TRPM3: variants seen among roughly 807,000 people sequenced by gnomAD.
TRPM3 encodes long transient receptor potential channel 3.
In TRPM3, 77 loss-of-function variants were observed where a neutral mutation model predicts 181.2. The ratio of observed to expected loss-of-function variants is 0.42; its 90% CI spans 0.35 to 0.51. The LOEUF is 0.51. Ranked by LOEUF, TRPM3 falls within the 20% of genes least tolerant of loss-of-function variation. The pLI, the probability that TRPM3 is intolerant of heterozygous loss-of-function variation, is 0.01. For synonymous variants in TRPM3, 745 were observed against 796.4 expected, an observed-to-expected ratio of 0.94 and a Z score of 1.09; for missense variants, 1,759 against 2,196.7, an observed-to-expected ratio of 0.80 and a Z score of 3.98.
Position 70,761,737 on chromosome 9 carries a change from A to G in TRPM3, c.1149-13T>C. 2 of 1,604,526 alleles carry G rather than the reference A, an allele frequency of 1.2e-6. No homozygotes were observed. The highest frequency in any genetic ancestry group is 2.2e-5 in the South Asian group (2 of 90,224). ...TTCATTTATCAGTCTGCAAGTAAAA[A>G]CAATGTCAAAAGCAGGTCAACCAAC... On this transcript the variant is annotated splice_polypyrimidine_tract_variant and intron_variant, in intron 7 of 25. Transcript: ENST00000677713.
intron 5 of TRPM3, among the ~76,000 whole-genome samples, chr9:70,841,905 G>A (rs7855531): frequency 0.57 from 85,671 of 151,030 alleles, 24,658 homozygotes; most frequent in Non-Finnish European, 0.58. Context: ...CATACAGAGT[G>A]GAATATGGAC....
At chr9:70,595,740 T>C (rs894307950) in intron 21 of TRPM3, among the ~76,000 whole-genome samples, 1 of 152,178 alleles carries the variant, frequency 6.6e-6, no homozygotes, top group Non-Finnish European at 1.5e-5. Flanking sequence ...AAATCTAGAC[T>C]CTCTGCTTTT....
chr9:70,563,505 G>A (rs868376766), intron 22 of TRPM3, among the ~76,000 whole-genome samples: 1 of 152,140 alleles, frequency 6.6e-6, no homozygotes, highest in African/African-American at 2.4e-5. Context: ...CCCAATTCAG[G>A]CTACAGATGA....
intron 1 of TRPM3, among the ~76,000 whole-genome samples, chr9:71,095,488 G>A (rs2066989822): frequency 6.6e-6 from 1 of 152,140 alleles, no homozygotes; most frequent in Non-Finnish European, 1.5e-5. Flanking sequence ...GCCAGGTGCG[G>A]TGGCTTACGC....
chr9:70,747,010 A>T lies in TRPM3; in HGVS notation c.1272+14591T>A, dbSNP rs187601162. Among the ~76,000 whole-genome samples, 449 of 152,318 alleles carry T rather than the reference A, an allele frequency of 2.9e-3. 2 individuals are homozygous for T. The highest frequency in any genetic ancestry group is 9.8e-3 in the African/African-American group (407 of 41,580). On this transcript the variant is annotated intron_variant, in intron 8 of 25. Coordinates refer to ENST00000677713, the MANE Select transcript of TRPM3 (RefSeq NM_001366145.2). The stretch of plus-strand genomic sequence containing the variant: ...CTGTGTTAGTAGAGATTTTAACAAA[A>T]TTTATAGATACTGAATATGTATCAG...
chr9:70,680,089 A>G (rs1382248708), intron 9 of TRPM3, among the ~76,000 whole-genome samples: 4 of 152,210 alleles, frequency 2.6e-5, no homozygotes, highest in Non-Finnish European at 4.4e-5. Flanking sequence ...GAATGTGCAT[A>G]TATACACTTG....
chr9:71,191,864 T>C (rs2078047067), intron 1 of TRPM3, among the ~76,000 whole-genome samples: 1 of 151,668 alleles, frequency 6.6e-6, no homozygotes, highest in Non-Finnish European at 1.5e-5. Context: ...TAGCCTCTGC[T>C]TCAGGGTGAT....
chr9:71,304,205 C>T (rs1399733894), intron 1 of TRPM3, among the ~76,000 whole-genome samples: 1 of 152,164 alleles, frequency 6.6e-6, no homozygotes. Context: ...TATACTTATA[C>T]TATTTTATTG....
chr9:70,887,397 T>G (rs775647328), intron 1 of TRPM3, among the ~76,000 whole-genome samples: 10 of 152,198 alleles, frequency 6.6e-5, no homozygotes, highest in Non-Finnish European at 1.0e-4. Context: ...TCATCTAAAG[T>G]GTTAATCAAA....
rs1158541648 is a variant in TRPM3 at position 70,981,486 on chromosome 9, A to G, written c.178-116975T>C. Among the ~76,000 whole-genome samples the G allele has an allele frequency of 2.6e-5, 4 of 152,182 alleles. No individual in the cohort carries two copies. The East Asian group carries it at 7.7e-4, about 29-fold the overall frequency. On this transcript the variant is annotated intron_variant, in intron 1 of 25. Coordinates refer to ENST00000677713, the MANE Select transcript of TRPM3 (RefSeq NM_001366145.2). ...TGTGAAAGGAGACATTTGCAGAATG[A>G]ATTGGGAAGTGCCTAAATATTTGCT...
intron 1 of TRPM3, among the ~76,000 whole-genome samples, chr9:71,043,216 C>T (rs1329807816): frequency 6.6e-6 from 1 of 152,130 alleles, no homozygotes; most frequent in Non-Finnish European, 1.5e-5. Flanking sequence ...ATCTACTTTC[C>T]AGAGAGCTTC....
chr9:71,110,443 C>T (rs1038532905), intron 1 of TRPM3, among the ~76,000 whole-genome samples: 4 of 152,116 alleles, frequency 2.6e-5, no homozygotes, highest in Non-Finnish European at 5.9e-5. Context: ...AGCTATGCTC[C>T]TTTGTTGTGT....
In TRPM3 at chr9:70,576,480, T is replaced by C. The variant is rs12337433; in HGVS notation, c.3223+14551A>G. 1.2e-3 allele frequency among the ~76,000 whole-genome samples: 171 copies of C among 139,902 alleles called. 3 individuals carry two copies. The highest frequency in any genetic ancestry group is 3.8e-3 in the Middle Eastern group (1 of 264). The allele number at this position is 139,902 out of a possible 152,430, so 91.8% of individuals were successfully genotyped here. ...CTGCTATAGATCTTCTTCTTCTTCT[T>C]CTCCTCCTCCTCCTCCTCCTCCTTC... is the stretch of plus-strand genomic sequence containing the variant. On this transcript the variant is annotated intron_variant, in intron 22 of 25. Transcript: ENST00000677713.
rs186812799 is a variant in TRPM3 at position 71,413,118 on chromosome 9, G to A, written c.183+33535C>T. ...TTTCGTGGGGTTGGGGGAGGGGGAC[G>A]GATAGCATCAGGAGAAATACCTAAT... On this transcript the variant is annotated intron_variant, in intron 1 of 24. Transcript: ENST00000357533. Among the ~76,000 whole-genome samples, 761 of 152,102 alleles carry A rather than the reference G, an allele frequency of 5.0e-3. 3 individuals are homozygous for A. The highest frequency in any genetic ancestry group is 0.015 in the African/African-American group (623 of 41,476).
chr9:71,177,549 C>T (rs577212379), intron 1 of TRPM3, among the ~76,000 whole-genome samples: 3 of 152,136 alleles, frequency 2.0e-5, no homozygotes, highest in South Asian at 4.1e-4. Context: ...GTATTCTCAT[C>T]GTTAAATGAC....
intron 1 of TRPM3, among the ~76,000 whole-genome samples, chr9:71,444,163 G>A (rs1340980230): frequency 8.9e-6 from 1 of 112,946 alleles, no homozygotes. Context: ...TGGCGACAGA[G>A]CAAGAATACA....
chr9:71,204,656 A>C (rs142652387), intron 1 of TRPM3, among the ~76,000 whole-genome samples: 1 of 152,140 alleles, frequency 6.6e-6, no homozygotes. Flanking sequence ...TCAGTGTGGC[A>C]ATTCTTCAGG....
At chr9:71,189,390 T>C (rs1748119680) in intron 1 of TRPM3, among the ~76,000 whole-genome samples, 1 of 151,856 alleles carries the variant, frequency 6.6e-6, no homozygotes, top group Admixed American at 6.6e-5. Context: ...TAAACAAAAT[T>C]ACCTATATGT....
chr9:70,640,777 C>T, intron 9 of TRPM3, 117 bp from the exon 10 acceptor site: 1 of 715,360 alleles, frequency 1.4e-6, no homozygotes, highest in South Asian at 1.9e-5. Context: ...AAAGAGCCTG[C>T]TTGGCTATAC....
Sources: gnomAD v4.1 joint callset for allele counts (sites outside exome capture counted in the v4.1 genomes callset) on GRCh38, gnomAD v4.1.1 for gene constraint, MANE v1.5 for transcripts, NCBI Gene and HGNC (gene_info 2026-07-23, HGNC 2026-07-21) for gene names.